The following NSRP1 variants were observed in gnomAD, a reference collection of about 807,000 sequenced individuals.
NSRP1 encodes the protein coiled-coil domain containing 55.
NSRP1 carries 24 observed loss-of-function variants against 54.7 expected under a neutral mutation model. That is an observed-to-expected ratio of 0.44 (90% CI 0.32 to 0.62). The LOEUF is 0.62. NSRP1 is among the 20% of genes least tolerant of loss of function. NSRP1 has a pLI of 0.06. For synonymous variants in NSRP1, 210 were observed against 213.8 expected (o/e 0.98, Z 0.15); for missense variants, 596 against 651.2 (o/e 0.92, Z 0.92).
chr17:30,119,051 A>G (rs1368919255), intron 2 of NSRP1, among the ~76,000 whole-genome samples: 1 of 149,926 alleles, frequency 6.7e-6, no homozygotes, highest in Non-Finnish European at 1.5e-5. Flanking sequence ...CCCAGTAAAT[A>G]TGTGCTTTTC....
At chr17:30,159,143 A>G (rs559188248) in intron 2 of NSRP1, among the ~76,000 whole-genome samples, 13 of 152,048 alleles carry the variant, frequency 8.5e-5, no homozygotes, top group South Asian at 6.2e-4. Flanking sequence ...TCTTTCATCA[A>G]TGTTTTATAG....
At chr17:30,179,678 A>T (rs1004090544) in intron 5 of NSRP1, among the ~76,000 whole-genome samples, 1 of 152,196 alleles carries the variant, frequency 6.6e-6, no homozygotes, top group Non-Finnish European at 1.5e-5. Context: ...TGAGAAAATA[A>T]TAGAGTAACA....
At chr17:30,134,045 C>G (rs1043586396) in intron 2 of NSRP1, among the ~76,000 whole-genome samples, 2 of 152,184 alleles carry the variant, frequency 1.3e-5, no homozygotes, top group Non-Finnish European at 2.9e-5. Context: ...GCTACTCTTT[C>G]TTTCACTTGA....
rs1371393198 is a variant in NSRP1 at position 30,118,138 on chromosome 17, T to G, written c.79T>G (p.Ser27Ala). 6.2e-7 allele frequency: 1 copy of G among 1,613,898 alleles called. No individual in the cohort carries two copies. Among genetic ancestry groups the G allele is most frequent in the Admixed American group, 1.7e-5 (1 of 60,006 alleles). Residue 27 changes from serine to alanine, a missense_variant, in exon 2 of 7, where the codon TCA becomes GCA. Transcript: ENST00000247026. ...GTTGCACCCTGTTTTGCAAAAACCATCAGTGTTTGGGAATGATTCTGATGA... is the reference window on the plus strand; with the variant it reads ...GTTGCACCCTGTTTTGCAAAAACCAGCAGTGTTTGGGAATGATTCTGATGA... ...QQLHPVLQKP[S>A]VFGNDSDDDD...
chr17:30,117,050 C>T (rs965417932), intron 1 of NSRP1, 187 bp downstream of exon 1: 1 of 823,658 alleles, frequency 1.2e-6, no homozygotes, highest in Admixed American at 1.9e-5. Context: ...GATGGAAGCC[C>T]GAAGTTTGAG....
chr17:30,132,717 T>G (rs914846668), intron 2 of NSRP1, among the ~76,000 whole-genome samples: 1 of 152,244 alleles, frequency 6.6e-6, no homozygotes. Context: ...CTACCCCATC[T>G]GTAGCCACTT....
intron 2 of NSRP1, among the ~76,000 whole-genome samples, chr17:30,121,894 C>T (rs896503507): frequency 4.6e-5 from 7 of 152,066 alleles, no homozygotes; most frequent in African/African-American, 1.2e-4. Context: ...AGAGTTGTGC[C>T]GGCATCACCA....
intron 1 of NSRP1, 97 bp from the exon 2 acceptor site, chr17:30,117,983 T>C: frequency 1.0e-6 from 1 of 959,628 alleles, no homozygotes; most frequent in Non-Finnish European, 1.6e-6. Flanking sequence ...TTATGACATG[T>C]TTTGATTTGG....
At chr17:30,169,558 G>C (rs1170926825) in intron 2 of NSRP1, among the ~76,000 whole-genome samples, 3 of 151,916 alleles carry the variant, frequency 2.0e-5, no homozygotes, top group African/African-American at 7.2e-5. Flanking sequence ...TGATATTCTA[G>C]TGAATGAAAG....
chr17:30,142,027 C>A lies in NSRP1; in HGVS notation c.114+23854C>A, dbSNP rs1398796260. Among the ~76,000 whole-genome samples the A allele has an allele frequency of 1.1e-4, 16 of 152,256 alleles. No individual in the cohort carries two copies. In the South Asian group the frequency reaches 2.1e-3, roughly 20 times the overall value. ...AAAAAATTTTTTTAAATGTGAATATCTTTAGGTGGGGCATGCTCTCTTTGA... is the reference window on the plus strand; with the variant it reads ...AAAAAATTTTTTTAAATGTGAATATATTTAGGTGGGGCATGCTCTCTTTGA... On this transcript the variant is annotated intron_variant, in intron 2 of 6. Coordinates refer to ENST00000247026, the MANE Select transcript of NSRP1 (RefSeq NM_032141.4).
At chr17:30,117,278 T>G (rs1225724859) in intron 1 of NSRP1, 1 of 588,030 alleles carries the variant, frequency 1.7e-6, no homozygotes, top group Non-Finnish European at 3.0e-6. Flanking sequence ...AAGTCCTGAT[T>G]CCCGCCCTTC....
intron 2 of NSRP1, among the ~76,000 whole-genome samples, chr17:30,122,823 T>C (rs904209222): frequency 1.3e-5 from 2 of 152,162 alleles, no homozygotes; most frequent in African/African-American, 2.4e-5. Flanking sequence ...TTCTTTTTTA[T>C]TGTAGCCATA....
chr17:30,185,025 C>A lies in NSRP1; in HGVS notation c.1028C>A (p.Ser343Tyr). The A allele has an allele frequency of 1.2e-6, 2 of 1,614,084 alleles. No individual in the cohort carries two copies. The highest frequency in any genetic ancestry group is 1.7e-6 in the Non-Finnish European group (2 of 1,180,030). The part of the protein sequence containing the change: ...TDRDYRKERD[S>Y]HRHREASHRD... ...CGTGATTACCGGAAAGAAAGGGATTCTCATAGGCACAGAGAGGCCAGTCAT... is the reference window on the plus strand; with the variant it reads ...CGTGATTACCGGAAAGAAAGGGATTATCATAGGCACAGAGAGGCCAGTCAT... The change falls in exon 7 of 7, where the codon TCT (serine) becomes TAT (tyrosine). Residue 343 changes from serine to tyrosine, a missense_variant. Ser to Tyr is a moderately radical substitution (Grantham distance 144). Coordinates refer to ENST00000247026, the MANE Select transcript of NSRP1 (RefSeq NM_032141.4).
exon 7 of NSRP1, chr17:30,186,471 TTTTA>T (rs1905547832): frequency 6.6e-6 from 1 of 152,244 alleles, no homozygotes; most frequent in Non-Finnish European, 1.5e-5. Flanking sequence ...TGCTTATACA[TTTTA>T]TTTATGCATT....
rs551371608 is a variant in NSRP1, at chr17:30,161,701, C to A, written c.115-10841C>A. 3.3e-5 allele frequency among the ~76,000 whole-genome samples: 5 copies of A among 152,208 alleles called. No homozygotes were observed. The East Asian group carries it at 9.6e-4, about 29-fold the overall frequency. On this transcript the variant is annotated intron_variant, in intron 2 of 6. Transcript: ENST00000247026. ...GAAATAAGACTTGTCAAAAATGATA[C>A]ATTCAGATCCTTTTGGATAGGAAGT...
At chr17:30,180,436 G>GTGA (rs1905256112) in intron 5 of NSRP1, among the ~76,000 whole-genome samples, 1 of 152,202 alleles carries the variant, frequency 6.6e-6, no homozygotes, top group African/African-American at 2.4e-5. Context: ...GATTACAGGC[G>GTGA]TGAGCCACTG....
At chr17:30,156,456 C>T (rs1344402469) in intron 2 of NSRP1, 1 of 151,114 alleles carries the variant, frequency 6.6e-6, no homozygotes, top group African/African-American at 2.4e-5. Flanking sequence ...CTGTGTCTGG[C>T]TTATGTTACT....
At chr17:30,171,723 C>T (rs1243780274) in intron 2 of NSRP1, among the ~76,000 whole-genome samples, 1 of 152,140 alleles carries the variant, frequency 6.6e-6, no homozygotes, top group East Asian at 1.9e-4. Flanking sequence ...TCACTATCCT[C>T]AGGACCTAAA....
At chr17:30,128,919 GTT>G (rs80161788) in intron 2 of NSRP1, among the ~76,000 whole-genome samples, 1 of 138,852 alleles carries the variant, frequency 7.2e-6, no homozygotes. Context: ...TGGTTTTTTT[GTT>G]TTTTTTTTTT....
Sources: gnomAD v4.1 joint callset for allele counts (sites outside exome capture counted in the v4.1 genomes callset) on GRCh38, gnomAD v4.1.1 for gene constraint, MANE v1.5 for transcripts, NCBI Gene and HGNC (gene_info 2026-07-23, HGNC 2026-07-21) for gene names.